Variants in CNTN1 observed in about 807,000 individuals in gnomAD.
The protein encoded by CNTN1 is contactin 1.
Under a neutral mutation model 126.4 loss-of-function variants are expected in CNTN1, and 38 were observed. That is an observed-to-expected ratio of 0.30 (90% confidence interval 0.23 to 0.39). The LOEUF (loss-of-function observed/expected upper bound fraction) is 0.39, where lower values mean the gene tolerates loss of function less well. CNTN1 is among the 10% of genes least tolerant of loss of function. The probability of loss-of-function intolerance (pLI) is 1.00; values close to 1 mark genes in which losing one functional copy is unlikely to be tolerated. For synonymous variants in CNTN1, 413 were observed against 422.6 expected (o/e 0.98, Z 0.28); for missense variants, 1,009 against 1,248.4 (o/e 0.81, Z 2.89).
intron 1 of CNTN1, among the ~76,000 whole-genome samples, chr12:40,737,287 G>A (rs1592030056): frequency 6.8e-6 from 1 of 146,702 alleles, no homozygotes; most frequent in East Asian, 2.1e-4. Context: ...GGATATATAT[G>A]TGTGTGTGTG....
intron 1 of CNTN1, among the ~76,000 whole-genome samples, chr12:40,776,369 A>G (rs74369785): frequency 0.055 from 8,307 of 151,718 alleles, 299 homozygotes; most frequent in Admixed American, 0.079. Flanking sequence ...CAAATTATAT[A>G]TCAATAAAGT....
At chr12:40,763,159 C>A (rs542957939) in intron 1 of CNTN1, 1 of 152,386 alleles carries the variant, frequency 6.6e-6, no homozygotes, top group Non-Finnish European at 1.5e-5. Context: ...TGACCAGAAG[C>A]AAACGCTAGT....
chr12:40,742,295 A>G (rs1297426027), intron 1 of CNTN1: 1 of 152,144 alleles, frequency 6.6e-6, no homozygotes, highest in Non-Finnish European at 1.5e-5. Flanking sequence ...TAAATGGGCT[A>G]AAACTAAAAG....
chr12:40,945,514 T>A (rs1235157009), intron 14 of CNTN1, among the ~76,000 whole-genome samples: 1 of 152,030 alleles, frequency 6.6e-6, no homozygotes, highest in Non-Finnish European at 1.5e-5. Context: ...CCATAGTTTA[T>A]AAAGTAGTAA....
chr12:40,723,666 CT>C (rs1200991746), intron 1 of CNTN1, among the ~76,000 whole-genome samples: 1 of 152,096 alleles, frequency 6.6e-6, no homozygotes, highest in African/African-American at 2.4e-5. Flanking sequence ...ACCTTTTGCC[CT>C]ATTAGGATTG....
chr12:40,930,144 C>A, intron 7 of CNTN1, 142 bp downstream of exon 7: 1 of 746,668 alleles, frequency 1.3e-6, no homozygotes, highest in South Asian at 1.5e-5. Context: ...TTGAAGGGGC[C>A]AAAGGCTTGG....
chr12:40,996,083 C>T (rs1190614282), intron 17 of CNTN1, among the ~76,000 whole-genome samples: 12 of 152,078 alleles, frequency 7.9e-5, no homozygotes, highest in Middle Eastern at 3.4e-3. Context: ...GTGGAATGCC[C>T]GCATTATTAT....
At chr12:41,017,341 G>C (rs527420561) in intron 19 of CNTN1, among the ~76,000 whole-genome samples, 63 of 145,504 alleles carry the variant, frequency 4.3e-4, no homozygotes, top group African/African-American at 1.6e-3. Flanking sequence ...GGAGGCGGAG[G>C]CAGGCAGATC....
At chr12:40,698,802 A>G (rs894804218) in intron 1 of CNTN1, among the ~76,000 whole-genome samples, 3 of 152,186 alleles carry the variant, frequency 2.0e-5, no homozygotes, top group African/African-American at 7.2e-5. Flanking sequence ...ATTAAATGGT[A>G]CGTGGTAACT....
intron 23 of CNTN1, among the ~76,000 whole-genome samples, chr12:41,039,651 G>T (rs1949351605): frequency 6.6e-6 from 1 of 152,068 alleles, no homozygotes; most frequent in Admixed American, 6.6e-5. Flanking sequence ...GAGGTCAGAT[G>T]ACATAAACTT....
At chr12:40,972,644 CTTTTA>C in intron 15 of CNTN1, 1 of 945,924 alleles carries the variant, frequency 1.1e-6, no homozygotes, top group East Asian at 1.2e-4. Context: ...TTATTTCCTT[CTTTTA>C]TATTTTCTAG....
At chr12:40,910,730 T>C (rs931648264) in intron 3 of CNTN1, among the ~76,000 whole-genome samples, 1 of 152,212 alleles carries the variant, frequency 6.6e-6, no homozygotes. Context: ...GTCTCAACTT[T>C]CCAATATGTA....
At chr12:40,936,760 A>G (rs1946094055) in intron 9 of CNTN1, 21 bp from the exon 10 acceptor site, 9 of 1,611,724 alleles carry the variant, frequency 5.6e-6, no homozygotes, top group Non-Finnish European at 6.8e-6. Context: ...TTTAACATTT[A>G]CAATGTTCCT....
At chr12:40,765,590 T>C (rs1463792644) in intron 1 of CNTN1, among the ~76,000 whole-genome samples, 1 of 152,172 alleles carries the variant, frequency 6.6e-6, no homozygotes, top group Non-Finnish European at 1.5e-5. Flanking sequence ...AAATGTGTTT[T>C]AAGATGGAGT....
intron 23 of CNTN1, among the ~76,000 whole-genome samples, chr12:41,036,782 G>C (rs1566189944): frequency 6.6e-6 from 1 of 151,972 alleles, no homozygotes; most frequent in Non-Finnish European, 1.5e-5. Context: ...TATTTTCTTA[G>C]AATGATTGCT....
chr12:40,866,689 C>A (rs1031361608), intron 1 of CNTN1, among the ~76,000 whole-genome samples: 5 of 152,054 alleles, frequency 3.3e-5, no homozygotes, highest in African/African-American at 1.2e-4. Flanking sequence ...ATCCTTTTTA[C>A]CTATCTAGCC....
At chr12:40,910,194 T>C in intron 3 of CNTN1, 89 bp downstream of exon 3, 2 of 1,054,812 alleles carry the variant, frequency 1.9e-6, no homozygotes, top group Non-Finnish European at 2.9e-6. Flanking sequence ...CTCTCTAAAC[T>C]TTAAGGCAAA....
chr12:40,953,149 A>G (rs1946749957), intron 14 of CNTN1, among the ~76,000 whole-genome samples: 1 of 152,122 alleles, frequency 6.6e-6, no homozygotes, highest in South Asian at 2.1e-4. Flanking sequence ...CTGGGTATTT[A>G]TATGTTGGAA....
At chr12:41,042,698 C>A (rs1044611233) in intron 23 of CNTN1, among the ~76,000 whole-genome samples, 3 of 152,086 alleles carry the variant, frequency 2.0e-5, no homozygotes, top group Non-Finnish European at 4.4e-5. Flanking sequence ...CCAAGTCAAT[C>A]CTAAGCCAAA....
Sources: allele counts gnomAD v4.1 joint callset (sites outside exome capture counted in the v4.1 genomes callset), GRCh38; gene constraint gnomAD v4.1.1; transcripts MANE v1.5; gene names NCBI Gene and HGNC (gene_info 2026-07-23, HGNC 2026-07-21).